The following RAB15 variants were observed in gnomAD, a reference collection of about 807,000 sequenced individuals.
RAB15 encodes the protein RAB15, member RAS oncogene family, also known as ras-related protein Rab-15.
In RAB15, 13 loss-of-function variants were observed where a neutral mutation model predicts 31.8. The observed-to-expected ratio is 0.41, with a 90% CI of 0.27 to 0.65. The LOEUF is 0.65. RAB15 is among the 30% of genes least tolerant of loss of function. The probability of loss-of-function intolerance (pLI) is 0.32; values close to 1 mark genes in which losing one functional copy is unlikely to be tolerated. For missense variants in RAB15, 220 were observed against 277.3 expected, an observed-to-expected ratio of 0.79 and a Z score of 1.47; for synonymous variants, 100 against 105.6, an observed-to-expected ratio of 0.95 and a Z score of 0.33.
rs534128136 is a variant in RAB15, at chr14:64,951,306, C to T, written c.247-155G>A. ...CTCTTCTCTCAGACCCCACCACTGC[C>T]GCCTCCCAGGCCCATCACAGAACTC... On this transcript the variant is annotated intron_variant, in intron 3 of 6. Coordinates refer to ENST00000533601, the MANE Select transcript of RAB15 (RefSeq NM_001308154.2). The surrounding 1 kb of genome is among the most constrained non-coding windows in gnomAD (Gnocchi z 7.2). Among the ~76,000 whole-genome samples, 6 of 152,316 alleles carry T rather than the reference C, an allele frequency of 3.9e-5. No homozygotes were observed. The highest frequency in any genetic ancestry group is 1.2e-4 in the African/African-American group (5 of 41,568).
At position 64,950,609 on chromosome 14, in the gene RAB15, A is replaced by G. The variant is rs1196083910; in HGVS notation, c.325-195T>C. 3 of 624,376 alleles carry G rather than the reference A, an allele frequency of 4.8e-6. No individual in the cohort carries two copies. Among genetic ancestry groups the G allele is most frequent in the Non-Finnish European group, 8.6e-6 (3 of 350,394 alleles). 38.7% of individuals were successfully genotyped at this position (624,376 alleles called of 1,614,324 possible). On this transcript the variant is annotated intron_variant, in intron 4 of 6. Transcript: ENST00000533601. This position sits in a 1 kb window ranked among gnomAD's most constrained non-coding sequence, Gnocchi z 5.6. ...GGGTATCACGGGGAGAGCTTAGGGT[A>G]GAAGACACTCTGGCTAAGACTGGTG... is the stretch of plus-strand genomic sequence containing the variant.
rs941781865 is a variant in RAB15, at chr14:64,951,022, TC to T, written c.324+51del. ...TTCCCATCTGGCCCTCGCCTTGCCT[TC>T]CCCGGTGAGGCACCCTCTCCACACC... is the stretch of plus-strand genomic sequence containing the variant. On this transcript the variant is annotated intron_variant, in intron 4 of 6. Coordinates refer to ENST00000533601, the MANE Select transcript of RAB15 (RefSeq NM_001308154.2). The surrounding 1 kb of genome is among the most constrained non-coding windows in gnomAD (Gnocchi z 7.2). The T allele has an allele frequency of 1.2e-6, 2 of 1,613,736 alleles. No individual in the cohort carries two copies. The highest frequency in any genetic ancestry group is 1.7e-6 in the Non-Finnish European group (2 of 1,179,962).
At chr14:64,963,211 T>C (rs1886956406) in intron 1 of RAB15, among the ~76,000 whole-genome samples, 2 of 149,522 alleles carry the variant, frequency 1.3e-5, no homozygotes, top group African/African-American at 4.9e-5. Context: ...CTCCACCTCC[T>C]GTGTTAAAGT....
intron 1 of RAB15, among the ~76,000 whole-genome samples, chr14:64,963,212 G>A (rs1304734020): frequency 6.9e-6 from 1 of 145,204 alleles, no homozygotes; most frequent in Non-Finnish European, 1.5e-5. Flanking sequence ...TCCACCTCCT[G>A]TGTTAAAGTG....
intron 1 of RAB15, among the ~76,000 whole-genome samples, chr14:64,960,987 T>C (rs950134984): frequency 1.3e-5 from 2 of 152,176 alleles, no homozygotes; most frequent in African/African-American, 4.8e-5. Flanking sequence ...CTTGCCTGCC[T>C]GCCAGCCAAG....
chr14:64,972,295 T>C lies in RAB15; in HGVS notation c.-219A>G, dbSNP rs1887473382. On this transcript the variant is annotated 5_prime_UTR_variant, in exon 1 of 7. Transcript: ENST00000533601. The surrounding 1 kb of genome is among the most constrained non-coding windows in gnomAD (Gnocchi z 6.3). ...GAGCCCGGCGCGGCGCCCGCTCGGCTCGGCTCGGCTCGGCTGGGCTGGCGC... is the reference window on the plus strand; with the variant it reads ...GAGCCCGGCGCGGCGCCCGCTCGGCCCGGCTCGGCTCGGCTGGGCTGGCGC... 1 of 157,832 alleles carries C rather than the reference T, an allele frequency of 6.3e-6. No homozygotes were observed. Among genetic ancestry groups the C allele is most frequent in the South Asian group, 2.0e-4 (1 of 4,976 alleles). 9.8% of individuals were successfully genotyped at this position (157,832 alleles called of 1,614,324 possible).
At position 64,971,825 on chromosome 14, in the gene RAB15, A is replaced by C. The variant is rs775472464; in HGVS notation, c.124+128T>G. On this transcript the variant is annotated intron_variant, in intron 1 of 6. Coordinates refer to ENST00000533601, the MANE Select transcript of RAB15 (RefSeq NM_001308154.2). The surrounding 1 kb of genome is among the most constrained non-coding windows in gnomAD (Gnocchi z 4.1). The stretch of plus-strand genomic sequence containing the variant: ...ATGCTCACCCCGAGATTTATCCCGG[A>C]CTCCGGCCTCCGGCGCCACCGCCTC... The C allele has an allele frequency of 8.1e-6, 7 of 864,632 alleles. No homozygotes were observed. The highest frequency in any genetic ancestry group is 7.6e-5 in the Admixed American group (3 of 39,710). 53.6% of individuals were successfully genotyped at this position (864,632 alleles called of 1,614,324 possible).
At position 64,955,791 on chromosome 14, in the gene RAB15, C is replaced by A. The variant is rs1334078277; in HGVS notation, c.125-3220G>T. Among the ~76,000 whole-genome samples, 1 of 152,210 alleles carries A rather than the reference C, an allele frequency of 6.6e-6. No individual in the cohort carries two copies. Among genetic ancestry groups the A allele is most frequent in the East Asian group, 1.9e-4 (1 of 5,192 alleles). ...TCATCAGCCCCACCTGGGTGCACAC[C>A]CAGAGAGTCAGCCCTTTTTGTTGCA... is the stretch of plus-strand genomic sequence containing the variant. On this transcript the variant is annotated intron_variant, in intron 1 of 6. Coordinates refer to ENST00000533601, the MANE Select transcript of RAB15 (RefSeq NM_001308154.2). This position sits in a 1 kb window ranked among gnomAD's most constrained non-coding sequence, Gnocchi z 4.4.
At position 64,968,745 on chromosome 14, in the gene RAB15, CAATT is replaced by C. The variant is rs1887267119; in HGVS notation, c.124+3204_124+3207del. ...GGCACAGAGCTTGGTAGTGAATGCT[CAATT>C]AATTTGTTTAAGGTAGTATTTTGGG... On this transcript the variant is annotated intron_variant, in intron 1 of 6. Coordinates refer to ENST00000533601, the MANE Select transcript of RAB15 (RefSeq NM_001308154.2). This position sits in a 1 kb window ranked among gnomAD's most constrained non-coding sequence, Gnocchi z 4.9. 6.6e-6 allele frequency among the ~76,000 whole-genome samples: 1 copy of C among 152,304 alleles called. No homozygotes were observed. The highest frequency in any genetic ancestry group is 1.5e-5 in the Non-Finnish European group (1 of 68,032).
rs1245327053 is a variant in RAB15, at chr14:64,970,633, G to T, written c.124+1320C>A. ...ATTTATCGAGCTTCACCATGTGTCT[G>T]GCTGTGCTAAGCACTTAACAATCGT... On this transcript the variant is annotated intron_variant, in intron 1 of 6. Transcript: ENST00000533601. The surrounding 1 kb of genome is among the most constrained non-coding windows in gnomAD (Gnocchi z 4.1). Among the ~76,000 whole-genome samples the T allele has an allele frequency of 6.6e-6, 1 of 152,208 alleles. No homozygotes were observed. The highest frequency in any genetic ancestry group is 1.5e-5 in the Non-Finnish European group (1 of 68,034).
At chr14:64,964,798 A>G (rs1024404005) in intron 1 of RAB15, among the ~76,000 whole-genome samples, 2 of 151,988 alleles carry the variant, frequency 1.3e-5, no homozygotes, top group African/African-American at 4.8e-5. Context: ...GCTGGTCTCA[A>G]ACTCCTGACC....
Position 64,948,444 on chromosome 14 carries a change from AC to A in RAB15, c.548del (p.Arg183LeufsTer164). 6.2e-7 allele frequency: 1 copy of A among 1,613,876 alleles called. No individual in the cohort carries two copies. Among genetic ancestry groups the A allele is most frequent in the Admixed American group, 1.7e-5 (1 of 59,968 alleles). On this transcript the variant is annotated frameshift_variant, in exon 7 of 7. Coordinates refer to ENST00000533601, the MANE Select transcript of RAB15 (RefSeq NM_001308154.2). LOFTEE classifies it high-confidence loss of function. This position sits in a 1 kb window ranked among gnomAD's most constrained non-coding sequence, Gnocchi z 7.0. ...CTGCCAGTGCCAACTCATTGCTGGC[AC>A]GCATCCGGAGGCCTTCCAGCTCCTT... The part of the protein sequence containing the change: ...HRKELEGLRM[R>X]ASNELALAEL...
chr14:64,967,069 A>G (rs1442156989), intron 1 of RAB15, among the ~76,000 whole-genome samples: 2 of 151,504 alleles, frequency 1.3e-5, no homozygotes, highest in East Asian at 1.9e-4. Flanking sequence ...AGCAAAGTCA[A>G]GACAGGCAGC....
In RAB15 at chr14:64,971,736, G is replaced by C; in HGVS notation, c.124+217C>G. The C allele has an allele frequency of 1.8e-6, 1 of 567,262 alleles. No individual in the cohort carries two copies. Among genetic ancestry groups the C allele is most frequent in the Non-Finnish European group, 3.1e-6 (1 of 318,458 alleles). 35.1% of individuals were successfully genotyped at this position (567,262 alleles called of 1,614,324 possible). A position where few individuals can be genotyped will look rare whatever the true frequency, so the allele number is the denominator to read the frequency against. ...TGGGACGGAAGGCTTCCCGGCAAGAGGCGGGAGACCCCACCCCTGGTCCGG... is the reference window on the plus strand; with the variant it reads ...TGGGACGGAAGGCTTCCCGGCAAGACGCGGGAGACCCCACCCCTGGTCCGG... On this transcript the variant is annotated intron_variant, in intron 1 of 6. Coordinates refer to ENST00000533601, the MANE Select transcript of RAB15 (RefSeq NM_001308154.2). The surrounding 1 kb of genome is among the most constrained non-coding windows in gnomAD (Gnocchi z 4.1).
At chr14:64,963,316 C>T (rs1208836807) in intron 1 of RAB15, among the ~76,000 whole-genome samples, 1 of 151,990 alleles carries the variant, frequency 6.6e-6, no homozygotes, top group Non-Finnish European at 1.5e-5. Flanking sequence ...GACGGGGTTT[C>T]ACCATGTTGA....
Position 64,958,760 on chromosome 14 carries a change from C to T in RAB15, c.125-6189G>A, listed in dbSNP as rs144647097. 7.6e-4 allele frequency among the ~76,000 whole-genome samples: 116 copies of T among 152,302 alleles called. No homozygotes were observed. Among genetic ancestry groups the T allele is most frequent in the Non-Finnish European group, 1.5e-3 (105 of 68,012 alleles). The stretch of plus-strand genomic sequence containing the variant: ...CAGAGGTTCTCGGAGACGCTGAGAG[C>T]CCCAGGAGGAGAAAGTCAGACAGAT... On this transcript the variant is annotated intron_variant, in intron 1 of 6. Coordinates refer to ENST00000533601, the MANE Select transcript of RAB15 (RefSeq NM_001308154.2). The surrounding 1 kb of genome is among the most constrained non-coding windows in gnomAD (Gnocchi z 4.4).
In RAB15 at chr14:64,954,091, T is replaced by C; in HGVS notation, c.125-1520A>G. On this transcript the variant is annotated intron_variant, in intron 1 of 6. Coordinates refer to ENST00000533601, the MANE Select transcript of RAB15 (RefSeq NM_001308154.2). The surrounding 1 kb of genome is among the most constrained non-coding windows in gnomAD (Gnocchi z 4.3). ...TCATTTAATTACAAGGGAAAAAAGATGCAGAACGGGCAACCTGAACTAAAT... is the reference window on the plus strand; with the variant it reads ...TCATTTAATTACAAGGGAAAAAAGACGCAGAACGGGCAACCTGAACTAAAT... The C allele has an allele frequency of 1.0e-6, 1 of 985,470 alleles. No homozygotes were observed. Among genetic ancestry groups the C allele is most frequent in the Non-Finnish European group, 1.2e-6 (1 of 829,930 alleles). 61.0% of individuals were successfully genotyped at this position (985,470 alleles called of 1,614,324 possible). A position where few individuals can be genotyped will look rare whatever the true frequency, so the allele number is the denominator to read the frequency against.
At position 64,948,575 on chromosome 14, in the gene RAB15, G is replaced by A. The variant is rs371628995; in HGVS notation, c.481-63C>T. 6 of 1,604,560 alleles carry A rather than the reference G, an allele frequency of 3.7e-6. No individual in the cohort carries two copies. Among genetic ancestry groups the A allele is most frequent in the Admixed American group, 3.4e-5 (2 of 59,294 alleles). ...TCCTCTCCCCTGGCAACCCTGCAGC[G>A]GCCTGAGGGATAAGGTCCATCTTAT... On this transcript the variant is annotated intron_variant, in intron 6 of 6. Transcript: ENST00000533601. This position sits in a 1 kb window ranked among gnomAD's most constrained non-coding sequence, Gnocchi z 7.0.
Position 64,951,717 on chromosome 14 carries a change from G to C in RAB15, c.186-54C>G, listed in dbSNP as rs1454853938. 2 of 1,493,284 alleles carry C rather than the reference G, an allele frequency of 1.3e-6. No individual in the cohort carries two copies. The highest frequency in any genetic ancestry group is 1.9e-6 in the Non-Finnish European group (2 of 1,069,598). The allele number at this position is 1,493,284 out of a possible 1,614,324, so 92.5% of individuals were successfully genotyped here. On this transcript the variant is annotated intron_variant, in intron 2 of 6. Transcript: ENST00000533601. This position sits in a 1 kb window ranked among gnomAD's most constrained non-coding sequence, Gnocchi z 7.2. Reference sequence around the variant, plus strand: ...AGCAGGGACCATGGGAACAGACGGGGAGGGGAAGAGCAGAGCTGTCCCCTT... The same window carrying C: ...AGCAGGGACCATGGGAACAGACGGGCAGGGGAAGAGCAGAGCTGTCCCCTT...
Sources: allele counts gnomAD v4.1 joint callset (sites outside exome capture counted in the v4.1 genomes callset), GRCh38; gene constraint gnomAD v4.1.1; non-coding constraint Gnocchi (gnomAD v3.1); transcripts MANE v1.5; gene names NCBI Gene and HGNC (gene_info 2026-07-23, HGNC 2026-07-21).